The following NBEA variants were observed in gnomAD, a reference collection of about 807,000 sequenced individuals.
NBEA encodes the protein neurobeachin.
In NBEA, 44 loss-of-function variants were observed where a neutral mutation model predicts 343.4. The observed-to-expected ratio is 0.13, with a 90% confidence interval of 0.10 to 0.16. The LOEUF is 0.16. Ranked by LOEUF, NBEA falls within the 10% of genes least tolerant of loss-of-function variation. The pLI is 1.00. For synonymous variants in NBEA, 1,175 were observed against 1,238.7 expected (o/e 0.95, Z 1.08); for missense variants, 2,555 against 3,631.3 (o/e 0.70, Z 7.62).
chr13:35,548,845 A>C (rs117998885), intron 41 of NBEA, among the ~76,000 whole-genome samples: 1,595 of 152,292 alleles, frequency 0.01, 12 homozygotes, highest in Non-Finnish European at 0.017. Flanking sequence ...CTTTTGTGAA[A>C]TGTACAAGAA....
intron 45 of NBEA, among the ~76,000 whole-genome samples, chr13:35,583,094 C>A (rs1393883838): frequency 6.6e-6 from 1 of 152,088 alleles, no homozygotes; most frequent in African/African-American, 2.4e-5. Context: ...TACCATTAAT[C>A]CAAAATCAGA....
intron 1 of NBEA, among the ~76,000 whole-genome samples, chr13:34,988,429 C>T (rs2060635618): frequency 6.6e-6 from 1 of 151,258 alleles, no homozygotes; most frequent in South Asian, 2.1e-4. Context: ...GCCGGCCTTG[C>T]TGAGCTGTGG....
intron 8 of NBEA, among the ~76,000 whole-genome samples, chr13:35,062,971 G>A (rs1384935962): frequency 6.6e-6 from 1 of 151,822 alleles, no homozygotes; most frequent in Non-Finnish European, 1.5e-5. Flanking sequence ...ACAATTCAAT[G>A]GCTAAAACAA....
rs2046343718 is a variant in NBEA, at chr13:35,452,198, C to T, written c.6411C>T (p.Val2137=). The T allele has an allele frequency of 3.8e-6, 6 of 1,597,448 alleles. No homozygotes were observed. Among genetic ancestry groups the T allele is most frequent in the Non-Finnish European group, 5.1e-6 (6 of 1,170,790 alleles). Residue 2137 remains valine (V), a synonymous_variant, in exon 40 of 59, where the codon GTC becomes GTT. Coordinates refer to ENST00000379939, the MANE Select transcript of NBEA (RefSeq NM_001385012.1). The part of the protein sequence containing the change: ...ELMLEGDDDA[V]SLLQEKEIDN... ...TGCTGGAAGGAGACGATGATGCAGTCAGTCTGCTACAGGAGAAAGAAATTG... is the reference window on the plus strand; with the variant it reads ...TGCTGGAAGGAGACGATGATGCAGTTAGTCTGCTACAGGAGAAAGAAATTG...
At chr13:35,071,435 G>A (rs1387162249) in intron 10 of NBEA, among the ~76,000 whole-genome samples, 2 of 151,702 alleles carry the variant, frequency 1.3e-5, no homozygotes, top group Non-Finnish European at 2.9e-5. Flanking sequence ...GTGATTTCAT[G>A]TACATTTTTA....
intron 48 of NBEA, among the ~76,000 whole-genome samples, chr13:35,611,836 C>T (rs1230968159): frequency 6.6e-6 from 1 of 152,186 alleles, no homozygotes; most frequent in Non-Finnish European, 1.5e-5. Context: ...TTTGTTTCTA[C>T]TTTTTGGCAA....
At chr13:34,956,335 A>G (rs1231181483) in intron 1 of NBEA, among the ~76,000 whole-genome samples, 6 of 149,684 alleles carry the variant, frequency 4.0e-5, no homozygotes, top group Non-Finnish European at 7.4e-5. Context: ...ATATACAAAT[A>G]ATCAATTTTT....
chr13:35,544,177 T>G (rs920751351), intron 41 of NBEA, among the ~76,000 whole-genome samples: 4 of 152,196 alleles, frequency 2.6e-5, no homozygotes, highest in African/African-American at 9.7e-5. Context: ...CAAGTGTGGA[T>G]TGAACGCGAC....
intron 53 of NBEA, among the ~76,000 whole-genome samples, chr13:35,652,282 C>G (rs868390367): frequency 6.7e-6 from 1 of 149,076 alleles, no homozygotes; most frequent in African/African-American, 2.5e-5. Flanking sequence ...CAACATGGCA[C>G]ATGTATACCT....
chr13:35,577,722 C>CTGTA (rs2080814043), intron 45 of NBEA, among the ~76,000 whole-genome samples: 1 of 151,988 alleles, frequency 6.6e-6, no homozygotes, highest in Admixed American at 6.6e-5. Context: ...GGTTCAGGTA[C>CTGTA]TGTAGGTGTG....
rs2041045808 is a variant in NBEA, at chr13:35,365,454, G to A, written c.6179+13131G>A. On this transcript the variant is annotated intron_variant, in intron 38 of 58. Transcript: ENST00000379939. ...AACAAACATCTGTAGTTAAAGTGAGGCTATCACAGTCTCTTAGTCTATAAC... is the reference window on the plus strand; with the variant it reads ...AACAAACATCTGTAGTTAAAGTGAGACTATCACAGTCTCTTAGTCTATAAC... 2.0e-5 allele frequency among the ~76,000 whole-genome samples: 3 copies of A among 151,698 alleles called. No homozygotes were observed. The South Asian group carries it at 6.2e-4, about 31-fold the overall frequency.
chr13:35,368,167 A>G (rs1418589787), intron 38 of NBEA, among the ~76,000 whole-genome samples: 1 of 151,572 alleles, frequency 6.6e-6, no homozygotes, highest in Non-Finnish European at 1.5e-5. Flanking sequence ...AATTACTACT[A>G]TGTAATTCGT....
At chr13:35,624,923 C>T (rs1029057503) in intron 48 of NBEA, among the ~76,000 whole-genome samples, 1 of 151,850 alleles carries the variant, frequency 6.6e-6, no homozygotes, top group South Asian at 2.1e-4. Flanking sequence ...TTTATGTCTT[C>T]GTTTCAAATA....
chr13:35,540,756 CATT>C (rs1264369806), intron 41 of NBEA, among the ~76,000 whole-genome samples: 7 of 152,166 alleles, frequency 4.6e-5, no homozygotes, highest in Non-Finnish European at 5.9e-5. Flanking sequence ...TCTCTATCCT[CATT>C]AAGTCCATTT....
At chr13:35,009,721 A>T (rs762853159) in intron 1 of NBEA, among the ~76,000 whole-genome samples, 6 of 152,206 alleles carry the variant, frequency 3.9e-5, no homozygotes, top group Non-Finnish European at 7.3e-5. Flanking sequence ...ATTTCGGAAT[A>T]AACCAGATCC....
chr13:35,329,278 C>T (rs74048994), intron 36 of NBEA, among the ~76,000 whole-genome samples: 7,915 of 152,014 alleles, frequency 0.052, 254 homozygotes, highest in African/African-American at 0.086. Flanking sequence ...GAAAACAGTT[C>T]TGTCAGTATT....
chr13:35,373,731 C>T (rs1033921753), intron 38 of NBEA, among the ~76,000 whole-genome samples: 10 of 126,406 alleles, frequency 7.9e-5, no homozygotes, highest in Non-Finnish European at 1.6e-4. Flanking sequence ...ATAATAATAA[C>T]AAAAACCTAA....
chr13:35,654,751 A>G (rs896532387), intron 53 of NBEA, 104 bp from the exon 54 acceptor site: 2 of 891,498 alleles, frequency 2.2e-6, no homozygotes, highest in Non-Finnish European at 3.3e-6. Context: ...TAAAAAAACT[A>G]TTTCTGGATA....
At chr13:35,480,373 T>A (rs9315346) in intron 41 of NBEA, among the ~76,000 whole-genome samples, 76,044 of 151,832 alleles carry the variant, frequency 0.5, 20,756 homozygotes, top group Non-Finnish European at 0.61. Flanking sequence ...CTGATTTAAA[T>A]TTGAATTGCA....
Sources: gnomAD v4.1 joint callset for allele counts (sites outside exome capture counted in the v4.1 genomes callset) on GRCh38, gnomAD v4.1.1 for gene constraint, MANE v1.5 for transcripts, NCBI Gene and HGNC (gene_info 2026-07-23, HGNC 2026-07-21) for gene names.